Variants in SMCHD1 observed in about 807,000 individuals in gnomAD.
SMCHD1 encodes structural maintenance of chromosomes flexible hinge domain containing 1.
SMCHD1 carries 78 observed loss-of-function variants against 254.7 expected under a neutral mutation model. The observed-to-expected ratio is 0.31, with a 90% CI of 0.26 to 0.37. SMCHD1 has a LOEUF of 0.37. SMCHD1 is among the 10% of genes least tolerant of loss of function. The pLI is 1.00. For missense variants in SMCHD1, 1,840 were observed against 2,408.1 expected, an observed-to-expected ratio of 0.76 and a Z score of 4.94; for synonymous variants, 766 against 794.9, an observed-to-expected ratio of 0.96 and a Z score of 0.61.
chr18:2,679,550 T>A (rs996573152), intron 5 of SMCHD1, among the ~76,000 whole-genome samples: 1 of 151,426 alleles, frequency 6.6e-6, no homozygotes, highest in African/African-American at 2.4e-5. Context: ...AATATGTTCG[T>A]TCACTGCCTT....
At position 2,751,315 on chromosome 18, in the gene SMCHD1, C is replaced by T; in HGVS notation, c.4203C>T (p.Ile1401=). 6.3e-7 allele frequency: 1 copy of T among 1,575,618 alleles called. No homozygotes were observed. Among genetic ancestry groups the T allele is most frequent in the African/African-American group, 1.4e-5 (1 of 71,774 alleles). ...GTGTTATTTCTGAAGATGACAGTATCATTAAAAACATTAATCCAGCACGTA... is the reference window on the plus strand; with the variant it reads ...GTGTTATTTCTGAAGATGACAGTATTATTAAAAACATTAATCCAGCACGTA... ...MISVISEDDS[I]IKNINPARIS... The change falls in exon 33 of 48, where the codon ATC becomes ATT. Residue 1401 remains isoleucine, a synonymous_variant. Coordinates refer to ENST00000320876, the MANE Select transcript of SMCHD1 (RefSeq NM_015295.3).
chr18:2,795,839 A>T, intron 45 of SMCHD1, 110 bp from the exon 46 acceptor site: 1 of 773,980 alleles, frequency 1.3e-6, no homozygotes, highest in Non-Finnish European at 2.0e-6. Flanking sequence ...TTAAAAGTAG[A>T]TCCCCTATGT....
In SMCHD1 at chr18:2,693,161, ATACT is replaced by A. The variant is rs1383965069; in HGVS notation, c.874-1363_874-1360del. On this transcript the variant is annotated intron_variant, in intron 7 of 47. Coordinates refer to ENST00000320876, the MANE Select transcript of SMCHD1 (RefSeq NM_015295.3). ...TTTTTAATTAAGCAAGTAATCATACATACTTATTTTTAAAAATCAACTTGATTTC... is the reference window on the plus strand; with the variant it reads ...TTTTTAATTAAGCAAGTAATCATACATATTTTTAAAAATCAACTTGATTTC... Among the ~76,000 whole-genome samples the A allele has an allele frequency of 5.3e-5, 8 of 152,356 alleles. No homozygotes were observed. In the East Asian group the frequency reaches 1.2e-3, roughly 22 times the overall value.
rs540020879 is a variant in SMCHD1 at position 2,784,308 on chromosome 18, T to G, written c.5548-142T>G. The G allele has an allele frequency of 1.4e-4, 92 of 653,068 alleles. No individual in the cohort carries two copies. The African/African-American group carries it at 1.6e-3, about 11-fold the overall frequency. The allele number at this position is 653,068 out of a possible 1,614,324, so 40.5% of individuals were successfully genotyped here. A position where few individuals can be genotyped will look rare whatever the true frequency, so the allele number is the denominator to read the frequency against. On this transcript the variant is annotated intron_variant, in intron 44 of 47. Coordinates refer to ENST00000320876, the MANE Select transcript of SMCHD1 (RefSeq NM_015295.3). ...TCTGGATTTTTCCCTCCAGTTTATC[T>G]TACATATTGCTAGTTACTAAGTTTT...
intron 5 of SMCHD1, among the ~76,000 whole-genome samples, chr18:2,679,309 C>G (rs1277732880): frequency 2.0e-5 from 3 of 148,836 alleles, no homozygotes; most frequent in African/African-American, 7.3e-5. Context: ...AACCCCATCT[C>G]TACTAAAAGT....
intron 5 of SMCHD1, among the ~76,000 whole-genome samples, chr18:2,682,433 C>G (rs551978177): frequency 6.6e-6 from 1 of 152,036 alleles, no homozygotes; most frequent in African/African-American, 2.4e-5. Flanking sequence ...TCAAGCAGTC[C>G]TGCCTCAGCC....
At chr18:2,790,158 GGCAACAGA>G (rs2143836877) in intron 45 of SMCHD1, among the ~76,000 whole-genome samples, 1 of 152,248 alleles carries the variant, frequency 6.6e-6, no homozygotes, top group South Asian at 2.1e-4. Flanking sequence ...CTCCAGCCTG[GGCAACAGA>G]GCGAGACTTT....
At chr18:2,766,214 C>T (rs141403074) in intron 37 of SMCHD1, among the ~76,000 whole-genome samples, 3,463 of 152,202 alleles carry the variant, frequency 0.023, 128 homozygotes, top group African/African-American at 0.079. Flanking sequence ...AGGATGGTCT[C>T]GATCTCCTGA....
At chr18:2,683,987 C>T (rs1234359945) in intron 5 of SMCHD1, among the ~76,000 whole-genome samples, 3 of 152,000 alleles carry the variant, frequency 2.0e-5, no homozygotes, top group Admixed American at 6.6e-5. Flanking sequence ...TTTCATTTAG[C>T]GTCTTTGTAT....
intron 3 of SMCHD1, 74 bp downstream of exon 3, chr18:2,667,105 T>C: frequency 9.2e-7 from 1 of 1,085,756 alleles, no homozygotes; most frequent in Non-Finnish European, 1.3e-6. Flanking sequence ...TCCCATTCCT[T>C]CACTTTTTGT....
chr18:2,730,160 G>A (rs1441626401), intron 24 of SMCHD1, among the ~76,000 whole-genome samples: 1 of 151,858 alleles, frequency 6.6e-6, no homozygotes, highest in Admixed American at 6.6e-5. Context: ...TACACAAAGG[G>A]ATTTTTTTTA....
chr18:2,801,512 C>A (rs1056030523), intron 47 of SMCHD1, among the ~76,000 whole-genome samples: 1 of 152,060 alleles, frequency 6.6e-6, no homozygotes, highest in Admixed American at 6.6e-5. Flanking sequence ...CTCTATAAAT[C>A]TTTAATAAAT....
intron 39 of SMCHD1, among the ~76,000 whole-genome samples, chr18:2,771,273 C>T (rs745987482): frequency 2.0e-5 from 3 of 152,166 alleles, no homozygotes; most frequent in Non-Finnish European, 2.9e-5. Flanking sequence ...GATTAAGTAA[C>T]TTATCCAAGA....
Position 2,700,749 on chromosome 18 carries a change from CT to C in SMCHD1, c.1479del (p.Pro494LeufsTer33). 6.2e-7 allele frequency: 1 copy of C among 1,610,490 alleles called. No homozygotes were observed. The highest frequency in any genetic ancestry group is 1.1e-5 in the South Asian group (1 of 90,610). On this transcript the variant is annotated frameshift_variant, in exon 12 of 48. Transcript: ENST00000320876. LOFTEE classifies it high-confidence loss of function. The part of the protein sequence containing the change: ...YTSVEDFDWC[T>X]PPKKRGLAPI... ...TTCTGTTCAAGCTTTGACTGGTGTA[CT>C]CCTCCTAAGAAGAGAGGGCTTGCAC...
chr18:2,659,219 G>A (rs1388003765), intron 1 of SMCHD1, among the ~76,000 whole-genome samples: 2 of 152,202 alleles, frequency 1.3e-5, no homozygotes, highest in Non-Finnish European at 2.9e-5. Context: ...CCAGGTTCAA[G>A]TGATTCTCCT....
At chr18:2,688,261 G>T in intron 5 of SMCHD1, 133 bp from the exon 6 acceptor site, 2 of 644,570 alleles carry the variant, frequency 3.1e-6, no homozygotes, top group Non-Finnish European at 2.7e-6. Context: ...TCTTGACACT[G>T]ATTATTTCAC....
At chr18:2,711,303 T>G (rs62084220) in intron 17 of SMCHD1, among the ~76,000 whole-genome samples, 7,242 of 151,046 alleles carry the variant, frequency 0.048, 263 homozygotes, top group Non-Finnish European at 0.078. Context: ...TCTCCTATGC[T>G]GCCCAGGCTA....
At chr18:2,680,077 C>G (rs1323912891) in intron 5 of SMCHD1, among the ~76,000 whole-genome samples, 1 of 152,064 alleles carries the variant, frequency 6.6e-6, no homozygotes, top group African/African-American at 2.4e-5. Flanking sequence ...CTGATACTCT[C>G]TGTTTGGTGA....
chr18:2,709,156 G>A (rs2074605612), intron 17 of SMCHD1, among the ~76,000 whole-genome samples: 1 of 149,490 alleles, frequency 6.7e-6, no homozygotes, highest in Admixed American at 6.7e-5. Context: ...GTTTCGCTTA[G>A]CATAGTGTGT....
Sources: allele counts gnomAD v4.1 joint callset (sites outside exome capture counted in the v4.1 genomes callset), GRCh38; gene constraint gnomAD v4.1.1; transcripts MANE v1.5; gene names NCBI Gene and HGNC (gene_info 2026-07-23, HGNC 2026-07-21).